LINGO2: variants seen among roughly 807,000 people sequenced by gnomAD.
LINGO2 encodes the protein leucine rich repeat and Ig domain containing 2, also known as leucine-rich repeat and immunoglobulin-like domain-containing nogo receptor-interacting protein 2.
LINGO2 carries 14 observed loss-of-function variants against 30.6 expected under a neutral mutation model. The observed-to-expected ratio is 0.46, with a 90% CI of 0.30 to 0.72. LINGO2 has a LOEUF of 0.72. Ranked by LOEUF, LINGO2 falls within the 30% of genes least tolerant of loss-of-function variation. The probability of loss-of-function intolerance (pLI) is 0.07; values close to 1 mark genes in which losing one functional copy is unlikely to be tolerated. For missense variants in LINGO2, 729 were observed against 751.7 expected (o/e 0.97, Z 0.35); for synonymous variants, 317 against 288.5 (o/e 1.10, Z -1.00).
intron 3 of LINGO2, among the ~76,000 whole-genome samples, chr9:28,296,544 G>A (rs1426679332): frequency 1.3e-5 from 2 of 152,210 alleles, no homozygotes; most frequent in African/African-American, 4.8e-5. Context: ...GAGCTTCACG[G>A]ATTCCCAGAA....
chr9:28,377,795 A>G (rs1821188079), intron 2 of LINGO2, among the ~76,000 whole-genome samples: 1 of 152,194 alleles, frequency 6.6e-6, no homozygotes, highest in Non-Finnish European at 1.5e-5. Flanking sequence ...GTTACGGAAC[A>G]AGGGCTTACA....
the LINGO2 span, among the ~76,000 whole-genome samples, chr9:28,791,361 A>G: frequency 4.6e-5 from 7 of 152,194 alleles, no homozygotes; most frequent in South Asian, 1.2e-3. Context: ...CTGTGTATTC[A>G]TTCTGTGCTA....
chr9:28,971,422 T>G, the LINGO2 span, among the ~76,000 whole-genome samples: 2 of 151,974 alleles, frequency 1.3e-5, no homozygotes, highest in Admixed American at 1.3e-4. Flanking sequence ...CCCTAAAGGG[T>G]GAGTCCCAAG....
At chr9:28,343,347 C>A (rs1418291395) in intron 3 of LINGO2, among the ~76,000 whole-genome samples, 1 of 152,038 alleles carries the variant, frequency 6.6e-6, no homozygotes, top group African/African-American at 2.4e-5. Flanking sequence ...TTCAAATAAA[C>A]AAATAAACAA....
the LINGO2 span, among the ~76,000 whole-genome samples, chr9:29,164,408 C>T: frequency 6.6e-6 from 1 of 152,062 alleles, no homozygotes; most frequent in Non-Finnish European, 1.5e-5. Flanking sequence ...ATAATGAGGA[C>T]ACAGCAATAT....
At chr9:29,175,400 G>C in the LINGO2 span, among the ~76,000 whole-genome samples, 1 of 152,014 alleles carries the variant, frequency 6.6e-6, no homozygotes, top group Admixed American at 6.6e-5. Flanking sequence ...ACTGCTTCTA[G>C]AAGATTGCAT....
intron 2 of LINGO2, among the ~76,000 whole-genome samples, chr9:28,414,677 T>C (rs1822901021): frequency 1.3e-5 from 2 of 152,092 alleles, no homozygotes; most frequent in Non-Finnish European, 2.9e-5. Flanking sequence ...GGAGACACTT[T>C]TGAAGGGTAT....
At chr9:28,870,458 T>C in the LINGO2 span, among the ~76,000 whole-genome samples, 1 of 152,032 alleles carries the variant, frequency 6.6e-6, no homozygotes, top group Non-Finnish European at 1.5e-5. Flanking sequence ...CTGTGAAACA[T>C]TCTCTGACTC....
At chr9:28,229,120 C>T (rs1320559124) in intron 4 of LINGO2, among the ~76,000 whole-genome samples, 2 of 151,690 alleles carry the variant, frequency 1.3e-5, no homozygotes, top group African/African-American at 4.8e-5. Flanking sequence ...GAATTCTTTT[C>T]TTTGACTGAA....
the LINGO2 span, among the ~76,000 whole-genome samples, chr9:28,822,311 C>T: frequency 2.0e-3 from 306 of 152,234 alleles, 3 homozygotes; most frequent in African/African-American, 6.7e-3. Flanking sequence ...GCCTGCACTA[C>T]GAGGAAGAGG....
At chr9:28,566,515 C>T (rs775719660) in intron 1 of LINGO2, among the ~76,000 whole-genome samples, 20 of 152,088 alleles carry the variant, frequency 1.3e-4, no homozygotes, top group Non-Finnish European at 1.9e-4. Context: ...TATAATGTCA[C>T]GTACATTTGT....
chr9:28,894,947 C>T, the LINGO2 span, among the ~76,000 whole-genome samples: 1 of 152,032 alleles, frequency 6.6e-6, no homozygotes, highest in Admixed American at 6.6e-5. Context: ...TAGATGTAAA[C>T]TTATTCCTCC....
intron 1 of LINGO2, among the ~76,000 whole-genome samples, chr9:28,632,486 T>C (rs1826992307): frequency 6.6e-6 from 1 of 150,722 alleles, no homozygotes; most frequent in African/African-American, 2.4e-5. Flanking sequence ...TTAGTCAGGG[T>C]TCTCTTAGAG....
the LINGO2 span, among the ~76,000 whole-genome samples, chr9:28,738,215 AT>A: frequency 6.6e-6 from 1 of 151,986 alleles, no homozygotes; most frequent in South Asian, 2.1e-4. Context: ...AAGTTATTTC[AT>A]TTTTTTCAGC....
the LINGO2 span, among the ~76,000 whole-genome samples, chr9:28,784,639 G>A: frequency 1.3e-5 from 2 of 152,140 alleles, no homozygotes; most frequent in Admixed American, 6.5e-5. Flanking sequence ...AGCAACACAA[G>A]ATAGTATATG....
chr9:28,759,577 G>T, the LINGO2 span, among the ~76,000 whole-genome samples: 6 of 151,838 alleles, frequency 4.0e-5, no homozygotes, highest in Admixed American at 3.9e-4. Flanking sequence ...AGCTACTCGG[G>T]AGGCTGAGGC....
intron 1 of LINGO2, among the ~76,000 whole-genome samples, chr9:28,569,553 A>G (rs943957402): frequency 6.0e-5 from 9 of 150,778 alleles, no homozygotes; most frequent in Admixed American, 1.3e-4. Flanking sequence ...AATATTGTAT[A>G]TCACTTATGC....
chr9:29,138,524 T>G, the LINGO2 span, among the ~76,000 whole-genome samples: 37,088 of 152,088 alleles, frequency 0.24, 4,707 homozygotes, highest in East Asian at 0.44. Flanking sequence ...ATATTTGACA[T>G]GTATTTATTT....
chr9:28,360,035 C>T (rs898319749), intron 3 of LINGO2, among the ~76,000 whole-genome samples: 1 of 152,104 alleles, frequency 6.6e-6, no homozygotes, highest in African/African-American at 2.4e-5. Flanking sequence ...ATCTATAGAG[C>T]ATGTACACTA....
Sources: allele counts gnomAD v4.1 joint callset (sites outside exome capture counted in the v4.1 genomes callset), GRCh38; gene constraint gnomAD v4.1.1; transcripts MANE v1.5; gene names NCBI Gene and HGNC (gene_info 2026-07-23, HGNC 2026-07-21).